Variants in AGFG1 observed in about 807,000 individuals in gnomAD.
AGFG1 encodes ArfGAP with FG repeats 1.
In AGFG1, 10 loss-of-function variants were observed where a neutral mutation model predicts 60.6. The observed-to-expected ratio is 0.16, with a 90% CI of 0.10 to 0.28. The LOEUF is 0.28. Among genes scored for constraint, AGFG1 ranks in the 10% least tolerant of loss-of-function variants. The pLI, the probability that AGFG1 is intolerant of heterozygous loss-of-function variation, is 1.00. For synonymous variants in AGFG1, 247 were observed against 242.9 expected, an observed-to-expected ratio of 1.02 and a Z score of -0.16; for missense variants, 537 against 676.5, an observed-to-expected ratio of 0.79 and a Z score of 2.29.
intron 2 of AGFG1, among the ~76,000 whole-genome samples, chr2:227,494,305 G>T (rs1172783939): frequency 6.6e-6 from 1 of 152,122 alleles, no homozygotes; most frequent in African/African-American, 2.4e-5. Flanking sequence ...AATATCACTT[G>T]CATAGGGAAT....
intron 2 of AGFG1, among the ~76,000 whole-genome samples, chr2:227,516,048 A>G (rs1691640888): frequency 6.6e-6 from 1 of 152,186 alleles, no homozygotes; most frequent in Non-Finnish European, 1.5e-5. Flanking sequence ...AGCTGTGTAT[A>G]GTTTGAATCT....
At chr2:227,505,112 T>C (rs1333427830) in intron 2 of AGFG1, among the ~76,000 whole-genome samples, 1 of 152,260 alleles carries the variant, frequency 6.6e-6, no homozygotes, top group African/African-American at 2.4e-5. Context: ...GGTGCTGTTA[T>C]ATAATTATTA....
rs920841003 is a variant in AGFG1 at position 227,555,294 on chromosome 2, A to T, written c.*799A>T. 1 of 152,602 alleles carries T rather than the reference A, an allele frequency of 6.6e-6. No individual in the cohort carries two copies. The highest frequency in any genetic ancestry group is 2.4e-5 in the African/African-American group (1 of 41,462). The allele number at this position is 152,602 out of a possible 1,614,324, so 9.5% of individuals were successfully genotyped here. On this transcript the variant is annotated 3_prime_UTR_variant, in exon 13 of 13. Coordinates refer to ENST00000310078, the MANE Select transcript of AGFG1 (RefSeq NM_004504.5). The stretch of plus-strand genomic sequence containing the variant: ...TGACTGCTACATTCAGGAATATGCC[A>T]GTGGTAAAGCATTTAAATGTAGCTT...
At chr2:227,521,072 T>C (rs1396967300) in intron 3 of AGFG1, among the ~76,000 whole-genome samples, 1 of 9,304 alleles carries the variant, frequency 1.1e-4, no homozygotes, top group Non-Finnish European at 2.0e-4. Context: ...TACATTTTTC[T>C]TTTTTTTTTG....
At chr2:227,493,610 T>C (rs1690884945) in intron 2 of AGFG1, among the ~76,000 whole-genome samples, 1 of 152,236 alleles carries the variant, frequency 6.6e-6, no homozygotes, top group African/African-American at 2.4e-5. Flanking sequence ...TATAAGTGAC[T>C]GAAATGTATT....
At chr2:227,526,539 CTTTTTTTTTT>C (rs777649930) in intron 5 of AGFG1, among the ~76,000 whole-genome samples, 3 of 92,482 alleles carry the variant, frequency 3.2e-5, no homozygotes, top group Non-Finnish European at 6.2e-5. Context: ...TGCCCAGCCT[CTTTTTTTTTT>C]TTTTTTTTTT....
intron 2 of AGFG1, among the ~76,000 whole-genome samples, chr2:227,505,455 T>A (rs970299800): frequency 6.6e-6 from 1 of 152,134 alleles, no homozygotes; most frequent in East Asian, 1.9e-4. Context: ...ATTGCATGGA[T>A]GTTAGGCATT....
At chr2:227,501,552 C>T (rs1357112872) in intron 2 of AGFG1, among the ~76,000 whole-genome samples, 5 of 152,168 alleles carry the variant, frequency 3.3e-5, no homozygotes, top group Admixed American at 2.0e-4. Flanking sequence ...TCATTACAGA[C>T]AGTCACTGGA....
intron 1 of AGFG1, among the ~76,000 whole-genome samples, chr2:227,480,225 T>C (rs1399643907): frequency 6.6e-6 from 1 of 152,180 alleles, no homozygotes; most frequent in East Asian, 1.9e-4. Flanking sequence ...ATCACTGTCA[T>C]TGGGTAATTT....
intron 3 of AGFG1, among the ~76,000 whole-genome samples, chr2:227,521,065 A>G (rs949707462): frequency 9.4e-5 from 7 of 74,442 alleles, no homozygotes; most frequent in Non-Finnish European, 1.9e-4. Context: ...AATAGACTAC[A>G]TTTTTCTTTT....
chr2:227,489,940 C>T (rs1026882035), intron 1 of AGFG1, among the ~76,000 whole-genome samples: 25 of 152,018 alleles, frequency 1.6e-4, no homozygotes, highest in South Asian at 2.1e-4. Context: ...CTCAGCCTCC[C>T]GAGTAGCTGA....
At chr2:227,504,557 T>A (rs1314760841) in intron 2 of AGFG1, among the ~76,000 whole-genome samples, 1 of 152,244 alleles carries the variant, frequency 6.6e-6, no homozygotes, top group African/African-American at 2.4e-5. Flanking sequence ...CAAACTCATA[T>A]TGTCAACTAT....
chr2:227,524,754 G>A lies in AGFG1; in HGVS notation c.541-8G>A, dbSNP rs745627392. 1.2e-6 allele frequency: 2 copies of A among 1,613,834 alleles called. No individual in the cohort carries two copies. The highest frequency in any genetic ancestry group is 1.7e-6 in the Non-Finnish European group (2 of 1,179,768). ...GGAATATCTTTATAGTTAATATGTGGTTTGTAGTCCCCAGTTGTAGGTCGT... is the reference window on the plus strand; with the variant it reads ...GGAATATCTTTATAGTTAATATGTGATTTGTAGTCCCCAGTTGTAGGTCGT... On this transcript the variant is annotated splice_polypyrimidine_tract_variant and splice_region_variant and intron_variant, in intron 4 of 12. Coordinates refer to ENST00000310078, the MANE Select transcript of AGFG1 (RefSeq NM_004504.5).
intron 5 of AGFG1, among the ~76,000 whole-genome samples, chr2:227,526,212 T>C (rs959960017): frequency 6.6e-6 from 1 of 152,140 alleles, no homozygotes; most frequent in Non-Finnish European, 1.5e-5. Flanking sequence ...TTCATTCATT[T>C]ATTTGAGGTG....
rs753855682 is a variant in AGFG1 at position 227,533,546 on chromosome 2, C to T, written c.815-3C>T. ...TTCAAGTGCTCTGTTTATTCTGTTA[C>T]AGGTGGAAGTGCTGCATCAGTAAAT... is the stretch of plus-strand genomic sequence containing the variant. On this transcript the variant is annotated splice_region_variant and splice_polypyrimidine_tract_variant and intron_variant, in intron 6 of 12. Coordinates refer to ENST00000310078, the MANE Select transcript of AGFG1 (RefSeq NM_004504.5). The T allele has an allele frequency of 1.2e-6, 2 of 1,612,838 alleles. No individual in the cohort carries two copies.
At chr2:227,486,694 G>T (rs1186798994) in intron 1 of AGFG1, among the ~76,000 whole-genome samples, 1 of 152,160 alleles carries the variant, frequency 6.6e-6, no homozygotes, top group Non-Finnish European at 1.5e-5. Flanking sequence ...AGTTATGCAA[G>T]ATTGAACCTT....
In AGFG1 at chr2:227,533,721, A is replaced by C. The variant is rs1468158330; in HGVS notation, c.987A>C (p.Ala329=). The C allele has an allele frequency of 6.2e-7, 1 of 1,613,694 alleles. No homozygotes were observed. Among genetic ancestry groups the C allele is most frequent in the Non-Finnish European group, 8.5e-7 (1 of 1,179,794 alleles). The stretch of plus-strand genomic sequence containing the variant: ...TACAGACTGCAGACAAATATGCAGC[A>C]CTTGCTAATTTAGACAATATCTTCA... ...AGLQTADKYA[A]LANLDNIFSA... is the part of the protein sequence containing the mutation. Residue 329 remains alanine, a synonymous_variant, in exon 7 of 13, where the codon GCA becomes GCC. Transcript: ENST00000310078.
chr2:227,549,918 GT>G, intron 10 of AGFG1: 1 of 252,376 alleles, frequency 4.0e-6, no homozygotes. Context: ...TTGTGAATGT[GT>G]TTTTGTTATG....
At chr2:227,531,936 C>T (rs1223712088) in intron 6 of AGFG1, among the ~76,000 whole-genome samples, 3 of 152,116 alleles carry the variant, frequency 2.0e-5, no homozygotes, top group Non-Finnish European at 4.4e-5. Flanking sequence ...GTTTTCTGTG[C>T]AGGAATTGGT....
Sources: allele counts gnomAD v4.1 joint callset (sites outside exome capture counted in the v4.1 genomes callset), GRCh38; gene constraint gnomAD v4.1.1; transcripts MANE v1.5; gene names NCBI Gene and HGNC (gene_info 2026-07-23, HGNC 2026-07-21).